C8orf89: variants seen among roughly 807,000 people sequenced by gnomAD.
C8orf89 encodes putative uncharacterized protein C8orf89.
C8orf89 carries 14 observed loss-of-function variants against 15.8 expected under a neutral mutation model. The observed-to-expected ratio is 0.89, with a 90% CI of 0.59 to 1.39. C8orf89 has a LOEUF of 1.39. C8orf89 is among the 40% of genes most tolerant of loss of function. C8orf89 has a pLI of 0.00. For missense variants in C8orf89, 181 were observed against 184.5 expected (o/e 0.98, Z 0.11); for synonymous variants, 55 against 62.2 (o/e 0.88, Z 0.54).
At chr8:73,247,660 T>C (rs925793388) in intron 3 of C8orf89, among the ~76,000 whole-genome samples, 1 of 152,244 alleles carries the variant, frequency 6.6e-6, no homozygotes, top group Non-Finnish European at 1.5e-5. Context: ...TGGTATCTCA[T>C]TGAGGTTTTG....
intron 2 of C8orf89, among the ~76,000 whole-genome samples, chr8:73,253,616 C>T (rs1328654371): frequency 6.6e-6 from 1 of 151,600 alleles, no homozygotes; most frequent in Non-Finnish European, 1.5e-5. Flanking sequence ...TTTCCTTGAG[C>T]AGTGGTTTGT....
chr8:73,274,246 C>CG, the C8orf89 span, among the ~76,000 whole-genome samples: 1 of 152,084 alleles, frequency 6.6e-6, no homozygotes, highest in Non-Finnish European at 1.5e-5. Flanking sequence ...CTCCGCCTCC[C>CG]GGGTTCACGC....
At chr8:73,268,008 T>C in the C8orf89 span, among the ~76,000 whole-genome samples, 1 of 152,122 alleles carries the variant, frequency 6.6e-6, no homozygotes, top group Non-Finnish European at 1.5e-5. Context: ...ACTCCTGATT[T>C]AGAGGAATAG....
chr8:73,277,605 C>T, the C8orf89 span: 44 of 762,482 alleles, frequency 5.8e-5, no homozygotes, highest in Admixed American at 2.3e-4. Flanking sequence ...TAAACATCAT[C>T]TTCTGCCTTT....
At chr8:73,252,578 T>G (rs1321357695) in intron 2 of C8orf89, among the ~76,000 whole-genome samples, 2 of 152,160 alleles carry the variant, frequency 1.3e-5, no homozygotes, top group Non-Finnish European at 2.9e-5. Flanking sequence ...TAAATAAAAA[T>G]TATCAACTTT....
chr8:73,249,829 G>T (rs1025155384), intron 3 of C8orf89, among the ~76,000 whole-genome samples: 1 of 152,098 alleles, frequency 6.6e-6, no homozygotes, highest in Non-Finnish European at 1.5e-5. Context: ...GCAATTAGAA[G>T]ATAAAGCTAG....
the C8orf89 span, among the ~76,000 whole-genome samples, chr8:73,271,453 G>A: frequency 1.3e-5 from 2 of 152,256 alleles, no homozygotes; most frequent in East Asian, 3.9e-4. Flanking sequence ...AAGCCAGGAT[G>A]CCCCTTGGGT....
chr8:73,262,681 G>A (rs192943929), upstream of C8orf89, among the ~76,000 whole-genome samples: 1 of 151,854 alleles, frequency 6.6e-6, no homozygotes, highest in East Asian at 1.9e-4. Flanking sequence ...GCCAAGCATA[G>A]TGGCATACAT....
chr8:73,277,639 T>C, the C8orf89 span: 1 of 759,196 alleles, frequency 1.3e-6, no homozygotes, highest in South Asian at 1.3e-5. Flanking sequence ...CTTTTTCTTT[T>C]CATCCAGGAA....
chr8:73,261,559 A>G (rs979407164), upstream of C8orf89, among the ~76,000 whole-genome samples: 1 of 152,210 alleles, frequency 6.6e-6, no homozygotes. Context: ...CTGAGGGGCC[A>G]CTGCCTCAGA....
chr8:73,256,251 C>T (rs1813381055), intron 2 of C8orf89, among the ~76,000 whole-genome samples: 2 of 152,038 alleles, frequency 1.3e-5, no homozygotes, highest in East Asian at 3.8e-4. Flanking sequence ...ATTAGGCCAA[C>T]ATCTCATTCA....
chr8:73,278,263 G>T, the C8orf89 span, among the ~76,000 whole-genome samples: 1 of 152,238 alleles, frequency 6.6e-6, no homozygotes, highest in East Asian at 1.9e-4. Flanking sequence ...TGATGAATGA[G>T]TATGGTAAGG....
intron 2 of C8orf89, among the ~76,000 whole-genome samples, chr8:73,251,378 G>C (rs1813244235): frequency 6.6e-6 from 1 of 152,200 alleles, no homozygotes. Flanking sequence ...ATGTGCACAG[G>C]AGAATAAAAT....
chr8:73,267,384 A>G, the C8orf89 span, among the ~76,000 whole-genome samples: 1 of 152,250 alleles, frequency 6.6e-6, no homozygotes, highest in African/African-American at 2.4e-5. Flanking sequence ...AACTGAAACC[A>G]GAAACTGAAA....
At chr8:73,242,992 G>A (rs1813038071) in intron 3 of C8orf89, among the ~76,000 whole-genome samples, 2 of 152,148 alleles carry the variant, frequency 1.3e-5, no homozygotes, top group South Asian at 4.1e-4. Flanking sequence ...ATGAGATCCT[G>A]TCATTTGCAA....
the C8orf89 span, among the ~76,000 whole-genome samples, chr8:73,282,560 TGATAAATTGGATGAGATTACA>T: frequency 6.6e-6 from 1 of 152,194 alleles, no homozygotes; most frequent in South Asian, 2.1e-4. Flanking sequence ...AATAATGAAA[TGATAAATTGGATGAGATTACA>T]GACAAATCTG....
chr8:73,268,245 C>G, the C8orf89 span, among the ~76,000 whole-genome samples: 13 of 151,926 alleles, frequency 8.6e-5, no homozygotes, highest in Non-Finnish European at 1.6e-4. Context: ...TTTGGGAGGC[C>G]GAGGCAGGCA....
chr8:73,258,260 A>C (rs1412470776), intron 1 of C8orf89, among the ~76,000 whole-genome samples: 2 of 152,036 alleles, frequency 1.3e-5, no homozygotes, highest in Non-Finnish European at 2.9e-5. Context: ...AAATAACAAA[A>C]ATCTGCTGCG....
the C8orf89 span, among the ~76,000 whole-genome samples, chr8:73,270,811 A>G: frequency 1.1e-4 from 17 of 152,188 alleles, no homozygotes; most frequent in Non-Finnish European, 2.5e-4. Context: ...AAAAATTAGG[A>G]AAAACACTTG....
Sources: allele counts gnomAD v4.1 joint callset (sites outside exome capture counted in the v4.1 genomes callset), GRCh38; gene constraint gnomAD v4.1.1; transcripts MANE v1.5; gene names NCBI Gene and HGNC (gene_info 2026-07-23, HGNC 2026-07-21).